Variants in POFUT3 observed in about 807,000 individuals in gnomAD.
The protein encoded by POFUT3 is protein O-fucosyltransferase 3.
At chr8:33,323,174 T>C in the POFUT3 span, among the ~76,000 whole-genome samples, 11 of 152,174 alleles carry the variant, frequency 7.2e-5, no homozygotes, top group Non-Finnish European at 1.3e-4. Context: ...TAGCAAGGCA[T>C]GTGTCTGAGT....
chr8:33,447,879 T>C, the POFUT3 span, among the ~76,000 whole-genome samples: 2 of 152,196 alleles, frequency 1.3e-5, no homozygotes, highest in African/African-American at 4.8e-5. Flanking sequence ...CCTACTTAAT[T>C]AGGATTTGGA....
chr8:33,329,572 A>G, the POFUT3 span, among the ~76,000 whole-genome samples: 9 of 152,172 alleles, frequency 5.9e-5, no homozygotes, highest in Admixed American at 5.2e-4. Context: ...AGTTAGACTG[A>G]TTTCCCCATT....
At chr8:33,371,010 G>C in the POFUT3 span, 1 of 151,952 alleles carries the variant, frequency 6.6e-6, no homozygotes, top group Non-Finnish European at 1.5e-5. Context: ...TTCCAAAATA[G>C]TTTGTTACCC....
At chr8:33,455,858 C>T in the POFUT3 span, 1 of 454,536 alleles carries the variant, frequency 2.2e-6, no homozygotes, top group Non-Finnish European at 4.4e-6. Context: ...CTGGGGAGGG[C>T]CCGTGACTTT....
At chr8:33,312,124 T>C in the POFUT3 span, among the ~76,000 whole-genome samples, 61,817 of 151,676 alleles carry the variant, frequency 0.41, 13,840 homozygotes, top group East Asian at 0.8. Flanking sequence ...TAGCCAGGCG[T>C]GGTGGCACAT....
the POFUT3 span, among the ~76,000 whole-genome samples, chr8:33,355,663 T>G: frequency 2.8e-4 from 42 of 151,312 alleles, no homozygotes; most frequent in Non-Finnish European, 5.5e-4. Flanking sequence ...ACACATTTAT[T>G]TTTTTTTTGG....
chr8:33,418,929 T>A, the POFUT3 span, among the ~76,000 whole-genome samples: 1 of 152,136 alleles, frequency 6.6e-6, no homozygotes, highest in Admixed American at 6.5e-5. Context: ...TGCAGCAACA[T>A]GGATGGAACT....
the POFUT3 span, among the ~76,000 whole-genome samples, chr8:33,402,818 G>C: frequency 6.6e-6 from 1 of 152,074 alleles, no homozygotes; most frequent in Admixed American, 6.6e-5. Context: ...TAGCACTTTG[G>C]GAGGTTAAGG....
chr8:33,327,822 T>G, the POFUT3 span, among the ~76,000 whole-genome samples: 3 of 152,220 alleles, frequency 2.0e-5, no homozygotes, highest in Admixed American at 6.5e-5. Context: ...TAATTCCTGT[T>G]GGCCCAGCCT....
At chr8:33,366,321 C>T in the POFUT3 span, among the ~76,000 whole-genome samples, 4 of 151,958 alleles carry the variant, frequency 2.6e-5, no homozygotes, top group Admixed American at 2.0e-4. Context: ...TGAGTTGATG[C>T]GTGCAGCAAA....
At chr8:33,357,606 TTC>T in the POFUT3 span, among the ~76,000 whole-genome samples, 1 of 151,940 alleles carries the variant, frequency 6.6e-6, no homozygotes, top group Non-Finnish European at 1.5e-5. Context: ...CTCTTAAGTT[TTC>T]TTTTGTTTTC....
the POFUT3 span, among the ~76,000 whole-genome samples, chr8:33,336,759 A>T: frequency 6.6e-6 from 1 of 152,210 alleles, no homozygotes; most frequent in African/African-American, 2.4e-5. Flanking sequence ...ACTGTTCCTG[A>T]TAGTGAGAAA....
At chr8:33,449,227 T>A in the POFUT3 span, among the ~76,000 whole-genome samples, 1 of 151,720 alleles carries the variant, frequency 6.6e-6, no homozygotes, top group East Asian at 1.9e-4. Context: ...AGAAGGGCTT[T>A]ATCTGATGGA....
the POFUT3 span, among the ~76,000 whole-genome samples, chr8:33,400,557 G>C: frequency 1.3e-5 from 2 of 152,022 alleles, no homozygotes; most frequent in African/African-American, 4.8e-5. Context: ...AAGGGAGGGA[G>C]GGAAAGTATA....
the POFUT3 span, among the ~76,000 whole-genome samples, chr8:33,373,652 T>C: frequency 6.6e-6 from 1 of 150,390 alleles, no homozygotes; most frequent in Non-Finnish European, 1.5e-5. Flanking sequence ...TCCAATAATT[T>C]AGAAGGGAGA....
the POFUT3 span, among the ~76,000 whole-genome samples, chr8:33,327,838 T>G: frequency 6.8e-3 from 1,034 of 152,266 alleles, 15 homozygotes; most frequent in African/African-American, 0.023. Flanking sequence ...AGCCTAGACT[T>G]CCTGTTTTCA....
At chr8:33,424,729 G>A in the POFUT3 span, among the ~76,000 whole-genome samples, 3 of 152,100 alleles carry the variant, frequency 2.0e-5, no homozygotes, top group African/African-American at 7.2e-5. Context: ...TGATTAAACA[G>A]CCTGACAAAC....
the POFUT3 span, among the ~76,000 whole-genome samples, chr8:33,460,175 T>A: frequency 0.055 from 7,541 of 137,924 alleles, 324 homozygotes; most frequent in African/African-American, 0.12. Context: ...GGCAACAGAG[T>A]GAGACTCCAC....
At chr8:33,347,362 C>T in the POFUT3 span, among the ~76,000 whole-genome samples, 1,535 of 152,266 alleles carry the variant, frequency 0.01, 19 homozygotes, top group African/African-American at 0.036. Flanking sequence ...ACATGTCCAC[C>T]ACCAGCAGTA....
Sources: gnomAD v4.1 joint callset for allele counts (sites outside exome capture counted in the v4.1 genomes callset) on GRCh38, gnomAD v4.1.1 for gene constraint, MANE v1.5 for transcripts, NCBI Gene and HGNC (gene_info 2026-07-23, HGNC 2026-07-21) for gene names.